The following NEXMIF variants were observed in gnomAD, a reference collection of about 807,000 sequenced individuals.
NEXMIF encodes the protein neurite extension and migration factor.
NEXMIF carries 8 observed loss-of-function variants against 62.1 expected under a neutral mutation model. That is an observed-to-expected ratio of 0.13 (90% CI 0.08 to 0.23). The LOEUF (loss-of-function observed/expected upper bound fraction) is 0.23. Among genes scored for constraint, NEXMIF ranks in the 10% least tolerant of loss-of-function variants. The pLI is 1.00. For missense variants in NEXMIF, 976 were observed against 1,113.3 expected (o/e 0.88, Z 1.75); for synonymous variants, 404 against 416.6 (o/e 0.97, Z 0.37).
intron 1 of NEXMIF, among the ~76,000 whole-genome samples, chrX:74,864,215 G>A (rs1311335997): frequency 8.9e-6 from 1 of 112,122 alleles, no homozygotes; most frequent in African/African-American, 3.2e-5. Context: ...TATCGTATTG[G>A]AAGTTCTGGC....
At chrX:74,816,559 G>T (rs2080376724) in intron 1 of NEXMIF, among the ~76,000 whole-genome samples, 1 of 111,661 alleles carries the variant, frequency 9.0e-6, no homozygotes, top group South Asian at 3.8e-4. Flanking sequence ...AAAAGATAAT[G>T]AATAAGCAAA....
chrX:74,854,899 T>C (rs2080529288), intron 1 of NEXMIF, among the ~76,000 whole-genome samples: 2 of 111,460 alleles, frequency 1.8e-5, no homozygotes, highest in African/African-American at 6.5e-5. Context: ...TACAAAACAC[T>C]GATGAAAGAA....
chrX:74,829,396 T>C (rs1024093503), intron 1 of NEXMIF, among the ~76,000 whole-genome samples: 4 of 112,243 alleles, frequency 3.6e-5, no homozygotes, highest in Non-Finnish European at 7.5e-5. Flanking sequence ...TTCTTCTTTA[T>C]GGTTGAATAG....
At chrX:74,763,290 T>C (rs768269480) in intron 1 of NEXMIF, among the ~76,000 whole-genome samples, 133 of 111,158 alleles carry the variant, frequency 1.2e-3, no homozygotes, top group Non-Finnish European at 2.3e-3. Flanking sequence ...TGTGTGGTAT[T>C]ATTTCTGAGG....
chrX:74,889,358 G>A (rs1475603269), intron 1 of NEXMIF, among the ~76,000 whole-genome samples: 1 of 111,906 alleles, frequency 8.9e-6, no homozygotes, highest in Non-Finnish European at 1.9e-5. Flanking sequence ...AATGGGGATG[G>A]AAAGGCAAAT....
intron 1 of NEXMIF, among the ~76,000 whole-genome samples, chrX:74,908,492 C>T (rs769937466): frequency 8.9e-6 from 1 of 112,419 alleles, no homozygotes; most frequent in African/African-American, 3.2e-5. Flanking sequence ...ATTCACTTAC[C>T]TGCTTTTCAA....
In NEXMIF at chrX:74,736,208, T is replaced by A. The variant is rs777634979; in HGVS notation, c.*3197A>T. ...AAAAAATTTAATTAAAAAATTAGATTTGAAAATAGCCAAAGCAATTAAAGG... is the reference window on the plus strand; with the variant it reads ...AAAAAATTTAATTAAAAAATTAGATATGAAAATAGCCAAAGCAATTAAAGG... On this transcript the variant is annotated 3_prime_UTR_variant, in exon 4 of 4. Coordinates refer to ENST00000055682, the MANE Select transcript of NEXMIF (RefSeq NM_001008537.3). The A allele has an allele frequency of 9.0e-6, 1 of 111,398 alleles. No individual in the cohort carries two copies. The highest frequency in any genetic ancestry group is 1.9e-5 in the Non-Finnish European group (1 of 53,082). The allele number at this position is 111,398 out of a possible 1,213,427, so 9.2% of individuals were successfully genotyped here.
chrX:74,887,985 T>C (rs1287820883), intron 1 of NEXMIF, among the ~76,000 whole-genome samples: 3 of 111,328 alleles, frequency 2.7e-5, no homozygotes, highest in Admixed American at 1.9e-4. Flanking sequence ...GATGAGTTCA[T>C]GTCCTTTGTA....
chrX:74,763,934 C>T (rs890299113), intron 1 of NEXMIF, among the ~76,000 whole-genome samples: 1 of 111,683 alleles, frequency 9.0e-6, no homozygotes, highest in African/African-American at 3.3e-5. Flanking sequence ...TTGACTTCCT[C>T]TTTTCCTAAT....
At chrX:74,921,582 T>C (rs748741231) in intron 1 of NEXMIF, among the ~76,000 whole-genome samples, 3 of 111,732 alleles carry the variant, frequency 2.7e-5, no homozygotes, top group Admixed American at 1.9e-4. Flanking sequence ...TGTTTTGTTT[T>C]CAAGCAGCCC....
chrX:74,805,376 G>T (rs2080342009), intron 1 of NEXMIF, among the ~76,000 whole-genome samples: 1 of 111,742 alleles, frequency 8.9e-6, no homozygotes, highest in Non-Finnish European at 1.9e-5. Flanking sequence ...CTTTTTGCGT[G>T]TTGATTTAAG....
intron 1 of NEXMIF, among the ~76,000 whole-genome samples, chrX:74,875,646 C>G (rs1247129312): frequency 8.9e-6 from 1 of 111,819 alleles, no homozygotes; most frequent in Non-Finnish European, 1.9e-5. Context: ...GGTTGGTAAG[C>G]TATTGATTAT....
At chrX:74,812,633 T>G (rs944668938) in intron 1 of NEXMIF, among the ~76,000 whole-genome samples, 10 of 110,874 alleles carry the variant, frequency 9.0e-5, no homozygotes, top group African/African-American at 3.3e-4. Context: ...GAAAAGATAG[T>G]CAGGGCTGCA....
At position 74,925,231 on chromosome X, in the gene NEXMIF, C is replaced by T. The variant is rs1361730747; in HGVS notation, c.-396G>A. On this transcript the variant is annotated 5_prime_UTR_variant, in exon 1 of 4. Transcript: ENST00000055682. ...TGCTTCGCTTACACTGTCGCTCGCC[C>T]CGGCTGGAGCTACCTAGCGAGCGGG... The T allele has an allele frequency of 8.5e-6, 1 of 117,678 alleles. No individual in the cohort carries two copies. The highest frequency in any genetic ancestry group is 3.2e-5 in the African/African-American group (1 of 31,326). The allele number at this position is 117,678 out of a possible 1,213,427, so 9.7% of individuals were successfully genotyped here.
intron 1 of NEXMIF, among the ~76,000 whole-genome samples, chrX:74,900,660 G>C (rs56969376): frequency 0.13 from 14,232 of 110,055 alleles, 1,579 homozygotes; most frequent in East Asian, 0.9. Flanking sequence ...TCCCACTTCT[G>C]GGTATATACT....
At chrX:74,777,373 T>C (rs893989151) in intron 1 of NEXMIF, among the ~76,000 whole-genome samples, 1 of 111,837 alleles carries the variant, frequency 8.9e-6, no homozygotes, top group Non-Finnish European at 1.9e-5. Context: ...ATGTATACAA[T>C]GTGTAATGAT....
At chrX:74,861,635 A>T (rs1363755701) in intron 1 of NEXMIF, among the ~76,000 whole-genome samples, 2 of 112,100 alleles carry the variant, frequency 1.8e-5, no homozygotes, top group Non-Finnish European at 3.8e-5. Context: ...CATCAGACTA[A>T]GAGTGGATCT....
chrX:74,862,405 C>G (rs1350291346), intron 1 of NEXMIF, among the ~76,000 whole-genome samples: 1 of 109,172 alleles, frequency 9.2e-6, no homozygotes, highest in African/African-American at 3.3e-5. Flanking sequence ...ACTTTAACAC[C>G]CCATTGTCAA....
At chrX:74,795,488 A>G (rs1050047326) in intron 1 of NEXMIF, among the ~76,000 whole-genome samples, 1 of 111,733 alleles carries the variant, frequency 8.9e-6, no homozygotes, top group African/African-American at 3.3e-5. Flanking sequence ...AAAATATAAA[A>G]CTATAGGGAT....
Sources: allele counts gnomAD v4.1 joint callset (sites outside exome capture counted in the v4.1 genomes callset), GRCh38; gene constraint gnomAD v4.1.1; transcripts MANE v1.5; gene names NCBI Gene and HGNC (gene_info 2026-07-23, HGNC 2026-07-21).